The following COL25A1 variants were observed in gnomAD, a reference collection of about 807,000 sequenced individuals.
COL25A1 encodes the protein collagen type XXV alpha 1 chain.
COL25A1 carries 103 observed loss-of-function variants against 128.4 expected under a neutral mutation model. The ratio of observed to expected loss-of-function variants is 0.80; its 90% CI spans 0.68 to 0.94. The LOEUF (loss-of-function observed/expected upper bound fraction) is 0.94, where lower values mean the gene tolerates loss of function less well. COL25A1 is among the 40% of genes least tolerant of loss of function. The pLI, the probability that COL25A1 is intolerant of heterozygous loss-of-function variation, is 0.00. For synonymous variants in COL25A1, 279 were observed against 277.2 expected (o/e 1.01, Z -0.06); for missense variants, 745 against 840.0 (o/e 0.89, Z 1.40).
intron 3 of COL25A1, among the ~76,000 whole-genome samples, chr4:109,274,775 T>G (rs935875047): frequency 6.6e-6 from 1 of 152,194 alleles, no homozygotes; most frequent in Admixed American, 6.5e-5. Flanking sequence ...ACTGGCACAA[T>G]GGATATTTAA....
At chr4:109,142,931 G>T (rs2126088715) in intron 3 of COL25A1, among the ~76,000 whole-genome samples, 1 of 152,278 alleles carries the variant, frequency 6.6e-6, no homozygotes, top group African/African-American at 2.4e-5. Context: ...ATTGTTATAT[G>T]TGAATTTCTT....
intron 3 of COL25A1, among the ~76,000 whole-genome samples, chr4:109,297,515 T>C (rs1725083913): frequency 1.3e-5 from 2 of 152,090 alleles, no homozygotes; most frequent in Admixed American, 6.6e-5. Flanking sequence ...GAGACTTATA[T>C]AAATATCAAA....
At chr4:109,218,353 TGG>T (rs145175898) in intron 3 of COL25A1, among the ~76,000 whole-genome samples, 84 of 128,976 alleles carry the variant, frequency 6.5e-4, no homozygotes, top group African/African-American at 1.9e-3. Flanking sequence ...GCTGGTTTTT[TGG>T]GGTTTTTTTT....
At chr4:109,293,250 T>C (rs970673462) in intron 3 of COL25A1, among the ~76,000 whole-genome samples, 4 of 152,052 alleles carry the variant, frequency 2.6e-5, no homozygotes, top group African/African-American at 9.7e-5. Flanking sequence ...TCCCTAACTA[T>C]TGTCCAGAAT....
At chr4:109,210,407 G>A (rs144211917) in intron 3 of COL25A1, among the ~76,000 whole-genome samples, 76 of 152,154 alleles carry the variant, frequency 5.0e-4, no homozygotes, top group African/African-American at 1.3e-3. Flanking sequence ...CAAAATAGTC[G>A]CTCTCTCTTT....
chr4:109,081,125 C>G (rs1432476839), intron 3 of COL25A1, among the ~76,000 whole-genome samples: 1 of 152,134 alleles, frequency 6.6e-6, no homozygotes, highest in Non-Finnish European at 1.5e-5. Context: ...TACTGTGCAT[C>G]TCCTCTGCCT....
chr4:109,291,928 G>A (rs1331575429), intron 3 of COL25A1, among the ~76,000 whole-genome samples: 1 of 152,100 alleles, frequency 6.6e-6, no homozygotes, highest in African/African-American at 2.4e-5. Context: ...CCATTAAAGA[G>A]ATGATATTAT....
At chr4:108,844,951 G>A (rs987926544) in intron 29 of COL25A1, among the ~76,000 whole-genome samples, 10 of 152,174 alleles carry the variant, frequency 6.6e-5, no homozygotes, top group African/African-American at 2.2e-4. Flanking sequence ...GAAAACCATT[G>A]ATTTTTTTCC....
chr4:108,949,699 A>ATT (rs369710278), intron 8 of COL25A1, among the ~76,000 whole-genome samples: 1 of 150,680 alleles, frequency 6.6e-6, no homozygotes, highest in African/African-American at 2.4e-5. Context: ...ACGCCTGCTA[A>ATT]TTTTTTTTTG....
intron 11 of COL25A1, among the ~76,000 whole-genome samples, chr4:108,930,838 G>A (rs1049847082): frequency 3.3e-5 from 5 of 152,158 alleles, no homozygotes; most frequent in African/African-American, 1.2e-4. Context: ...TAAATATTTA[G>A]ACACTTTGTA....
In COL25A1 at chr4:109,000,248, C is replaced by T. The variant is rs578102904; in HGVS notation, c.438+10110G>A. 2.6e-4 allele frequency among the ~76,000 whole-genome samples: 39 copies of T among 152,258 alleles called. No individual in the cohort carries two copies. The South Asian group carries it at 3.3e-3, about 13-fold the overall frequency. ...AGTGATTGCTATGGACTAGGCACCA[C>T]ATTAGACATCTTACATATATTATTT... On this transcript the variant is annotated intron_variant, in intron 6 of 37. Coordinates refer to ENST00000399132, the MANE Select transcript of COL25A1 (RefSeq NM_198721.4).
At chr4:108,902,368 C>T (rs1742943526) in intron 13 of COL25A1, among the ~76,000 whole-genome samples, 1 of 151,896 alleles carries the variant, frequency 6.6e-6, no homozygotes, top group African/African-American at 2.4e-5. Flanking sequence ...AGTAATTTGT[C>T]CAGATTTACA....
chr4:109,196,394 T>C (rs1247491095), intron 3 of COL25A1, among the ~76,000 whole-genome samples: 1 of 152,118 alleles, frequency 6.6e-6, no homozygotes, highest in African/African-American at 2.4e-5. Flanking sequence ...AACATGCATA[T>C]GTGAATGTGT....
intron 3 of COL25A1, among the ~76,000 whole-genome samples, chr4:109,238,973 T>C (rs1260216893): frequency 6.6e-6 from 1 of 151,948 alleles, no homozygotes; most frequent in Non-Finnish European, 1.5e-5. Context: ...GGGAGTACTG[T>C]CATCAACCCG....
intron 8 of COL25A1, among the ~76,000 whole-genome samples, chr4:108,947,874 T>G (rs908427285): frequency 3.9e-5 from 6 of 152,168 alleles, no homozygotes; most frequent in Non-Finnish European, 8.8e-5. Flanking sequence ...ATTTTAATTA[T>G]GAAGAGTCAA....
chr4:108,967,670 A>C (rs1261685734), intron 8 of COL25A1, among the ~76,000 whole-genome samples: 2 of 152,158 alleles, frequency 1.3e-5, no homozygotes, highest in African/African-American at 2.4e-5. Flanking sequence ...CTGATAATCT[A>C]TCTCTCTGCA....
intron 5 of COL25A1, among the ~76,000 whole-genome samples, chr4:109,020,419 T>C (rs1234840224): frequency 1.4e-5 from 2 of 147,976 alleles, no homozygotes; most frequent in Admixed American, 6.8e-5. Flanking sequence ...CAGAGGAAAA[T>C]AAGTGGTTCA....
chr4:108,918,601 T>C (rs1194176314), intron 12 of COL25A1, among the ~76,000 whole-genome samples: 4 of 152,354 alleles, frequency 2.6e-5, no homozygotes, highest in Middle Eastern at 3.4e-3. Context: ...TAAAATACAA[T>C]GAAACAAAAG....
chr4:108,822,338 C>G (rs1228461345), intron 35 of COL25A1, among the ~76,000 whole-genome samples: 6 of 152,010 alleles, frequency 3.9e-5, no homozygotes, highest in Non-Finnish European at 5.9e-5. Context: ...GCCACCACGC[C>G]CGGCGGTAAT....
Sources: allele counts gnomAD v4.1 joint callset (sites outside exome capture counted in the v4.1 genomes callset), GRCh38; gene constraint gnomAD v4.1.1; transcripts MANE v1.5; gene names NCBI Gene and HGNC (gene_info 2026-07-23, HGNC 2026-07-21).